ASIC2: variants seen among roughly 807,000 people sequenced by gnomAD.
ASIC2 encodes acid sensing ion channel subunit 2.
Under a neutral mutation model 57.3 loss-of-function variants are expected in ASIC2, and 25 were observed. The observed-to-expected ratio is 0.44, with a 90% CI of 0.32 to 0.61. The LOEUF (loss-of-function observed/expected upper bound fraction) is 0.61, where lower values mean the gene tolerates loss of function less well. Among genes scored for constraint, ASIC2 ranks in the 20% least tolerant of loss-of-function variants. The pLI is 0.06. For missense variants in ASIC2, 641 were observed against 738.1 expected, an observed-to-expected ratio of 0.87 and a Z score of 1.52; for synonymous variants, 319 against 307.5, an observed-to-expected ratio of 1.04 and a Z score of -0.39.
intron 1 of ASIC2, among the ~76,000 whole-genome samples, chr17:33,863,658 T>C (rs749717915): frequency 1.1e-4 from 16 of 152,230 alleles, no homozygotes; most frequent in South Asian, 4.1e-4. Context: ...TAAATTATCC[T>C]ATAGTCAGGA....
At chr17:33,308,986 G>A (rs1361055745) in intron 1 of ASIC2, among the ~76,000 whole-genome samples, 8 of 152,174 alleles carry the variant, frequency 5.3e-5, no homozygotes, top group Admixed American at 5.2e-4. Context: ...AGATTTCTCT[G>A]ATTCCAGGCT....
chr17:33,131,285 A>T (rs1597593921), intron 1 of ASIC2, among the ~76,000 whole-genome samples: 1 of 152,148 alleles, frequency 6.6e-6, no homozygotes, highest in South Asian at 2.1e-4. Flanking sequence ...AGACCCTTCT[A>T]TTGATAAAAT....
At chr17:33,383,245 C>A (rs1359793542) in intron 1 of ASIC2, among the ~76,000 whole-genome samples, 1 of 152,096 alleles carries the variant, frequency 6.6e-6, no homozygotes, top group Non-Finnish European at 1.5e-5. Context: ...GATTTTATAC[C>A]CTTTCCTTTC....
chr17:33,045,982 G>A (rs533899490), intron 3 of ASIC2, among the ~76,000 whole-genome samples: 1 of 152,232 alleles, frequency 6.6e-6, no homozygotes, highest in Non-Finnish European at 1.5e-5. Flanking sequence ...AACTGCAAGA[G>A]GGTCTACTCA....
At chr17:33,215,775 C>T (rs112913174) in intron 1 of ASIC2, among the ~76,000 whole-genome samples, 9,975 of 151,534 alleles carry the variant, frequency 0.066, 566 homozygotes, top group African/African-American at 0.15. Context: ...TCTCGGCTCA[C>T]TGCAGGCTCC....
At chr17:33,410,765 T>A (rs1048109248) in intron 1 of ASIC2, among the ~76,000 whole-genome samples, 2 of 152,244 alleles carry the variant, frequency 1.3e-5, no homozygotes, top group African/African-American at 2.4e-5. Flanking sequence ...TACTGTATCA[T>A]CTTTGTGAGA....
At chr17:33,862,584 T>C (rs1053018951) in intron 1 of ASIC2, among the ~76,000 whole-genome samples, 2 of 152,212 alleles carry the variant, frequency 1.3e-5, no homozygotes, top group South Asian at 2.1e-4. Flanking sequence ...AGCTAGTCAA[T>C]GGCAGCAGTA....
chr17:33,252,524 G>A (rs531693927), intron 1 of ASIC2, among the ~76,000 whole-genome samples: 8 of 152,220 alleles, frequency 5.3e-5, no homozygotes, highest in Admixed American at 4.6e-4. Context: ...GGGTTAATAT[G>A]TTGGGTAATA....
At chr17:33,085,606 G>C (rs2092131424) in intron 3 of ASIC2, among the ~76,000 whole-genome samples, 1 of 152,160 alleles carries the variant, frequency 6.6e-6, no homozygotes, top group African/African-American at 2.4e-5. Flanking sequence ...GTTTACCACT[G>C]TATCTCTACC....
At chr17:33,057,086 G>C (rs2092001101) in intron 3 of ASIC2, among the ~76,000 whole-genome samples, 1 of 152,170 alleles carries the variant, frequency 6.6e-6, no homozygotes, top group Admixed American at 6.5e-5. Flanking sequence ...AATTAGGGCT[G>C]TCTGCTGTAA....
intron 1 of ASIC2, among the ~76,000 whole-genome samples, chr17:33,256,691 G>T (rs1909091142): frequency 6.6e-6 from 1 of 152,154 alleles, no homozygotes; most frequent in South Asian, 2.1e-4. Flanking sequence ...AATTAGCCAG[G>T]CGTGGTGGCA....
intron 1 of ASIC2, among the ~76,000 whole-genome samples, chr17:33,865,794 T>C (rs2141927497): frequency 6.6e-6 from 1 of 150,804 alleles, no homozygotes; most frequent in Non-Finnish European, 1.5e-5. Flanking sequence ...CGTTTTTTTA[T>C]TGAACTATGT....
At chr17:33,309,316 G>A (rs950225856) in intron 1 of ASIC2, among the ~76,000 whole-genome samples, 2 of 152,078 alleles carry the variant, frequency 1.3e-5, no homozygotes, top group Non-Finnish European at 2.9e-5. Context: ...AGAAAAAGGA[G>A]GATTCTTTTA....
chr17:33,597,473 T>C (rs541316337), intron 1 of ASIC2, among the ~76,000 whole-genome samples: 1 of 152,302 alleles, frequency 6.6e-6, no homozygotes, highest in East Asian at 1.9e-4. Context: ...ATAGATGACA[T>C]GTCCCTGCTC....
intron 1 of ASIC2, among the ~76,000 whole-genome samples, chr17:33,865,748 TAAAAAAAAAATA>T (rs1420407057): frequency 6.7e-4 from 35 of 52,430 alleles, no homozygotes; most frequent in Non-Finnish European, 9.2e-4. Flanking sequence ...TAGAGTATAA[TAAAAAAAAAATA>T]AAAAAAAAAA....
intron 1 of ASIC2, among the ~76,000 whole-genome samples, chr17:33,164,570 ATGCACG>A (rs1411753792): frequency 1.1e-5 from 1 of 91,510 alleles, no homozygotes; most frequent in Admixed American, 1.2e-4. Flanking sequence ...CCAAAAGCAC[ATGCACG>A]CACACACACA....
chr17:33,797,973 G>A (rs961422159), intron 1 of ASIC2, among the ~76,000 whole-genome samples: 19 of 152,146 alleles, frequency 1.2e-4, no homozygotes, highest in African/African-American at 2.9e-4. Context: ...AGGGATCATC[G>A]CAGTGTGCAA....
chr17:33,829,854 C>T (rs1397030991), intron 1 of ASIC2, among the ~76,000 whole-genome samples: 2 of 152,060 alleles, frequency 1.3e-5, no homozygotes, highest in South Asian at 2.1e-4. Context: ...TGAGCCACCG[C>T]GCCCACCCTA....
chr17:33,775,904 G>A (rs1166900440), intron 1 of ASIC2, among the ~76,000 whole-genome samples: 2 of 152,102 alleles, frequency 1.3e-5, no homozygotes, highest in Non-Finnish European at 2.9e-5. Flanking sequence ...AGGCCGAGGA[G>A]GGTGGATCAC....
Sources: gnomAD v4.1 joint callset for allele counts (sites outside exome capture counted in the v4.1 genomes callset) on GRCh38, gnomAD v4.1.1 for gene constraint, MANE v1.5 for transcripts, NCBI Gene and HGNC (gene_info 2026-07-23, HGNC 2026-07-21) for gene names.